The following USP35 variants were observed in gnomAD, a reference collection of about 807,000 sequenced individuals.
USP35 encodes the protein ubiquitin carboxyl-terminal hydrolase 35.
A neutral mutation model predicts 83.8 loss-of-function variants in USP35; 69 were observed. The ratio of observed to expected loss-of-function variants is 0.82; its 90% confidence interval spans 0.68 to 1.01. The LOEUF is 1.01. USP35 is among the 50% of genes least tolerant of loss of function. The pLI is 0.00. For missense variants in USP35, 1,503 were observed against 1,362.5 expected, an observed-to-expected ratio of 1.10 and a Z score of -1.62; for synonymous variants, 714 against 589.5, an observed-to-expected ratio of 1.21 and a Z score of -3.06.
At chr11:78,233,522 A>C in the USP35 span, among the ~76,000 whole-genome samples, 24,266 of 152,108 alleles carry the variant, frequency 0.16, 2,408 homozygotes, top group East Asian at 0.4. Flanking sequence ...CTCTCTTCTT[A>C]CTGAGTTGTA....
the USP35 span, chr11:78,220,474 A>ACTGC: frequency 6.5e-7 from 1 of 1,537,252 alleles, no homozygotes; most frequent in Non-Finnish European, 8.8e-7. Context: ...ACTGTGAGTG[A>ACTGC]CTGCAGAAAA....
intron 1 of USP35, among the ~76,000 whole-genome samples, chr11:78,192,656 C>G (rs1440471331): frequency 6.6e-6 from 1 of 152,224 alleles, no homozygotes; most frequent in Non-Finnish European, 1.5e-5. Context: ...CCTTGGAGAT[C>G]AGAGCTCTCA....
chr11:78,207,458 C>T, intron 7 of USP35, 72 bp from the exon 8 acceptor site: 1 of 1,496,202 alleles, frequency 6.7e-7, no homozygotes, highest in Non-Finnish European at 9.3e-7. Context: ...TCTGGGCTGC[C>T]TGTGACATGG....
the USP35 span, among the ~76,000 whole-genome samples, chr11:78,233,126 G>A: frequency 4.1e-5 from 6 of 145,968 alleles, no homozygotes; most frequent in African/African-American, 7.7e-5. Flanking sequence ...TGCAACCTCC[G>A]CCTCCTGGGC....
In USP35 at chr11:78,214,022, C is replaced by T. The variant is rs533402049; in HGVS notation, c.*209C>T. On this transcript the variant is annotated 3_prime_UTR_variant, in exon 11 of 11. Coordinates refer to ENST00000529308, the MANE Select transcript of USP35 (RefSeq NM_020798.4). ...GGGGATCAGTCCCATTAAAACTTTA[C>T]ACCCAAGTGTCCTGGTTAACTTGAA... 7.7e-6 allele frequency: 4 copies of T among 521,840 alleles called. No individual in the cohort carries two copies. The African/African-American group carries it at 8.0e-5, about 10-fold the overall frequency. 32.3% of individuals were successfully genotyped at this position (521,840 alleles called of 1,614,324 possible).
At chr11:78,199,469 G>C in intron 3 of USP35, 126 bp from the exon 4 acceptor site, 1 of 1,421,732 alleles carries the variant, frequency 7.0e-7, no homozygotes, top group East Asian at 2.3e-5. Context: ...CACAGACCCC[G>C]GGGCTGCCCT....
At chr11:78,208,782 A>G in intron 8 of USP35, 75 bp from the exon 9 acceptor site, 1 of 1,502,508 alleles carries the variant, frequency 6.7e-7, no homozygotes, top group South Asian at 1.1e-5. Flanking sequence ...GTAGACCCTC[A>G]GGCCTAACCT....
chr11:78,211,791 G>A (rs1455412333), intron 10 of USP35, among the ~76,000 whole-genome samples: 1 of 152,144 alleles, frequency 6.6e-6, no homozygotes, highest in Non-Finnish European at 1.5e-5. Context: ...ACTTTTTAAT[G>A]GGGTTGTTTT....
chr11:78,198,692 T>C (rs1437952179), intron 3 of USP35: 1 of 985,300 alleles, frequency 1.0e-6, no homozygotes, highest in Non-Finnish European at 1.2e-6. Context: ...TCCTTGCCTT[T>C]AGTGGGTAAG....
chr11:78,221,815 T>G, the USP35 span: 1 of 1,434,664 alleles, frequency 7.0e-7, no homozygotes, highest in Non-Finnish European at 9.8e-7. Flanking sequence ...CTGGGGAAGC[T>G]GCATGGCTGC....
At position 78,209,757 on chromosome 11, in the gene USP35, G is replaced by T; in HGVS notation, c.1902G>T (p.Gly634=). ...TGCCCCCACCAACCAGTGCACAGGG[G>T]CCAGGCAGGGTGGGTCCTCGGAGGC... The part of the protein sequence containing the change: ...RELPPPTSAQ[G]PGRVGPRRQR... The change falls in exon 10 of 11, where the codon GGG becomes GGT. Residue 634 remains glycine, a synonymous_variant. Coordinates refer to ENST00000529308, the MANE Select transcript of USP35 (RefSeq NM_020798.4). 1 of 1,614,044 alleles carries T rather than the reference G, an allele frequency of 6.2e-7. No individual in the cohort carries two copies. The highest frequency in any genetic ancestry group is 1.1e-5 in the South Asian group (1 of 91,074).
In USP35 at chr11:78,209,699, T is replaced by C; in HGVS notation, c.1844T>C (p.Met615Thr). The C allele has an allele frequency of 1.2e-6, 2 of 1,613,954 alleles. No homozygotes were observed. Among genetic ancestry groups the C allele is most frequent in the Non-Finnish European group, 1.7e-6 (2 of 1,179,934 alleles). ...CGCCGCCGCCGCCTGGGCTCTGTGA[T>C]GCGCCCCACAGAAGACATCACAGCC... ...RCRRRRLGSV[M>T]RPTEDITARE... The change falls in exon 10 of 11, where the codon ATG becomes ACG. Residue 615 changes from methionine to threonine, a missense_variant. Coordinates refer to ENST00000529308, the MANE Select transcript of USP35 (RefSeq NM_020798.4).
intron 6 of USP35, among the ~76,000 whole-genome samples, chr11:78,201,134 G>C (rs1240886318): frequency 6.6e-6 from 1 of 152,214 alleles, no homozygotes; most frequent in Non-Finnish European, 1.5e-5. Flanking sequence ...TACCTTGTAA[G>C]TCTCTGTTCT....
chr11:78,230,909 G>A, the USP35 span, among the ~76,000 whole-genome samples: 1 of 152,214 alleles, frequency 6.6e-6, no homozygotes. Context: ...ACTGAGGCCT[G>A]TGTCACTGTG....
the USP35 span, among the ~76,000 whole-genome samples, chr11:78,234,006 C>G: frequency 6.6e-6 from 1 of 152,164 alleles, no homozygotes; most frequent in Non-Finnish European, 1.5e-5. Context: ...TTTTATGATT[C>G]TTGCTTTTTC....
downstream of USP35, chr11:78,219,141 A>G: frequency 1.2e-6 from 1 of 848,920 alleles, no homozygotes; most frequent in Non-Finnish European, 1.8e-6. Context: ...CCTGATGTCA[A>G]GTGCTTTGAA....
intron 10 of USP35, among the ~76,000 whole-genome samples, chr11:78,211,054 A>C: frequency 6.6e-6 from 1 of 151,764 alleles, no homozygotes; most frequent in African/African-American, 2.4e-5. Context: ...TAAGTATTAA[A>C]CCCTGTATCT....
intron 9 of USP35, 124 bp downstream of exon 9, chr11:78,209,087 G>T: frequency 2.0e-6 from 2 of 993,522 alleles, no homozygotes; most frequent in Non-Finnish European, 2.9e-6. Context: ...TGTGGAGGGC[G>T]TGGAGAAGGG....
At chr11:78,207,330 T>C in intron 7 of USP35, 200 bp from the exon 8 acceptor site, 1 of 576,446 alleles carries the variant, frequency 1.7e-6, no homozygotes, top group Non-Finnish European at 3.1e-6. Flanking sequence ...ATGTCTATTG[T>C]TGTGTTCCTG....
Sources: allele counts gnomAD v4.1 joint callset (sites outside exome capture counted in the v4.1 genomes callset), GRCh38; gene constraint gnomAD v4.1.1; transcripts MANE v1.5; gene names NCBI Gene and HGNC (gene_info 2026-07-23, HGNC 2026-07-21).